Variants in UPP2 observed in about 807,000 individuals in gnomAD.
The protein encoded by UPP2 is UPase 2.
In UPP2, 23 loss-of-function variants were observed where a neutral mutation model predicts 26.7. That is an observed-to-expected ratio of 0.86 (90% CI 0.62 to 1.22). UPP2 has a LOEUF of 1.22. UPP2 is among the 50% of genes most tolerant of loss of function. UPP2 has a pLI of 0.00. For missense variants in UPP2, 387 were observed against 396.7 expected, an observed-to-expected ratio of 0.98 and a Z score of 0.21; for synonymous variants, 127 against 141.3, an observed-to-expected ratio of 0.90 and a Z score of 0.72.
chr2:158,011,370 T>C (rs1454578145), intron 2 of UPP2, among the ~76,000 whole-genome samples: 1 of 152,226 alleles, frequency 6.6e-6, no homozygotes, highest in Non-Finnish European at 1.5e-5. Context: ...TTGCTCATTG[T>C]CTTTTTCCCC....
At chr2:158,006,214 C>G (rs1000475555) in intron 2 of UPP2, among the ~76,000 whole-genome samples, 7 of 152,212 alleles carry the variant, frequency 4.6e-5, no homozygotes, top group African/African-American at 1.7e-4. Flanking sequence ...AATCCCAGCA[C>G]TTTGGGAGGA....
At chr2:158,065,679 T>C (rs1488258507) in intron 3 of UPP2, 4 of 606,610 alleles carry the variant, frequency 6.6e-6, no homozygotes, top group East Asian at 6.6e-5. Flanking sequence ...GTTTTCACAA[T>C]AGATAAGAGT....
At chr2:158,125,585 C>T (rs555880238) in intron 6 of UPP2, among the ~76,000 whole-genome samples, 1 of 152,144 alleles carries the variant, frequency 6.6e-6, no homozygotes, top group Non-Finnish European at 1.5e-5. Flanking sequence ...CCATGCCCGG[C>T]TAACTTTTGT....
At chr2:158,104,945 G>GGGAAT in intron 1 of UPP2, among the ~76,000 whole-genome samples, 1 of 57,788 alleles carries the variant, frequency 1.7e-5, no homozygotes, top group East Asian at 9.7e-4. Context: ...GGGAAGGGAA[G>GGGAAT]GGAAGGGAAG....
intron 3 of UPP2, among the ~76,000 whole-genome samples, chr2:158,096,635 G>A (rs922339545): frequency 1.3e-5 from 2 of 151,720 alleles, no homozygotes; most frequent in African/African-American, 4.9e-5. Flanking sequence ...TAAACAATAA[G>A]TGGCCATCAA....
At chr2:158,079,038 A>G (rs908011473) in intron 3 of UPP2, among the ~76,000 whole-genome samples, 4 of 152,192 alleles carry the variant, frequency 2.6e-5, no homozygotes, top group African/African-American at 9.6e-5. Flanking sequence ...TCATGAGATC[A>G]GATGGTTTTA....
intron 6 of UPP2, chr2:158,127,919 TCTC>T: frequency 8.4e-6 from 7 of 828,668 alleles, no homozygotes; most frequent in Non-Finnish European, 1.0e-5. Flanking sequence ...ATAAATGCAT[TCTC>T]CTATCACTTT....
At chr2:158,006,890 A>G (rs1332966138) in intron 2 of UPP2, among the ~76,000 whole-genome samples, 1 of 152,206 alleles carries the variant, frequency 6.6e-6, no homozygotes, top group East Asian at 1.9e-4. Flanking sequence ...GGGTCAGGAA[A>G]GGTGAACATT....
chr2:158,136,047 T>A lies in UPP2; in HGVS notation c.*1157T>A, dbSNP rs748179440. On this transcript the variant is annotated 3_prime_UTR_variant, in exon 7 of 7. Coordinates refer to ENST00000005756, the MANE Select transcript of UPP2 (RefSeq NM_173355.4). ...GGGCAGGAAATAGGTCCTAGGCCGG[T>A]TGAGTCTGAATTGGCCTGCTCCTGG... 2 of 152,226 alleles carry A rather than the reference T, an allele frequency of 1.3e-5. No homozygotes were observed. The highest frequency in any genetic ancestry group is 2.9e-5 in the Non-Finnish European group (2 of 68,060). 9.4% of individuals were successfully genotyped at this position (152,226 alleles called of 1,614,324 possible).
intron 2 of UPP2, among the ~76,000 whole-genome samples, chr2:158,112,525 T>C (rs1376194329): frequency 2.0e-5 from 3 of 152,134 alleles, no homozygotes; most frequent in Non-Finnish European, 4.4e-5. Context: ...GACATAAATC[T>C]TTGTGACCTT....
intron 3 of UPP2, among the ~76,000 whole-genome samples, chr2:158,042,443 C>T (rs772557734): frequency 2.6e-5 from 4 of 152,132 alleles, no homozygotes; most frequent in Non-Finnish European, 5.9e-5. Flanking sequence ...AAACAAGCTC[C>T]ACCTTCCCAT....
intron 2 of UPP2, among the ~76,000 whole-genome samples, chr2:158,113,370 C>T (rs1424020275): frequency 6.6e-6 from 1 of 152,162 alleles, no homozygotes. Context: ...TCCATACCAA[C>T]AAAGAAGAAA....
chr2:158,101,823 T>G, upstream of UPP2: 1 of 1,261,060 alleles, frequency 7.9e-7, no homozygotes, highest in Non-Finnish European at 1.0e-6. Context: ...AGTGCTGCTC[T>G]GAGAGCTGGG....
intron 5 of UPP2, among the ~76,000 whole-genome samples, chr2:158,123,526 G>A (rs1046498647): frequency 1.3e-5 from 2 of 152,164 alleles, no homozygotes; most frequent in Non-Finnish European, 2.9e-5. Flanking sequence ...TGAGGTCCTC[G>A]GCCATGAAGG....
chr2:158,019,889 G>A (rs982727090), intron 3 of UPP2, among the ~76,000 whole-genome samples: 1 of 151,802 alleles, frequency 6.6e-6, no homozygotes, highest in African/African-American at 2.4e-5. Context: ...TTACACATGG[G>A]TTAAAATTTT....
intron 3 of UPP2, among the ~76,000 whole-genome samples, chr2:158,022,500 T>A (rs1386525209): frequency 6.6e-6 from 1 of 151,574 alleles, no homozygotes; most frequent in Non-Finnish European, 1.5e-5. Context: ...GTACTGGAAC[T>A]TACTAAGAGA....
intron 3 of UPP2, among the ~76,000 whole-genome samples, chr2:158,116,512 T>C (rs1046914332): frequency 3.9e-5 from 6 of 152,168 alleles, no homozygotes; most frequent in Non-Finnish European, 7.4e-5. Flanking sequence ...CAATTAGAAA[T>C]GGGCCTTACT....
At position 158,134,950 on chromosome 2, in the gene UPP2, A is replaced by G; in HGVS notation, c.*60A>G. ...AGTTTGTAGCTCAAGTTGTAATGTG[A>G]AAGTCATATTTTATTTGTGGCATTT... On this transcript the variant is annotated 3_prime_UTR_variant, in exon 7 of 7. Coordinates refer to ENST00000005756, the MANE Select transcript of UPP2 (RefSeq NM_173355.4). 2.0e-6 allele frequency: 3 copies of G among 1,516,166 alleles called. No individual in the cohort carries two copies. The Admixed American group carries it at 6.4e-5, about 32-fold the overall frequency. The allele number at this position is 1,516,166 out of a possible 1,614,324, so 93.9% of individuals were successfully genotyped here.
chr2:158,050,111 C>T (rs1368159577), intron 3 of UPP2, among the ~76,000 whole-genome samples: 8 of 152,100 alleles, frequency 5.3e-5, no homozygotes, highest in Admixed American at 3.9e-4. Context: ...GAAAGTGGAG[C>T]GTTTTATGCT....
Sources: gnomAD v4.1 joint callset for allele counts (sites outside exome capture counted in the v4.1 genomes callset) on GRCh38, gnomAD v4.1.1 for gene constraint, MANE v1.5 for transcripts, NCBI Gene and HGNC (gene_info 2026-07-23, HGNC 2026-07-21) for gene names.